The following PTPRD variants were observed in gnomAD, a reference collection of about 807,000 sequenced individuals.
The protein encoded by PTPRD is protein tyrosine phosphatase receptor type D, also known as receptor-type tyrosine-protein phosphatase delta.
PTPRD carries 34 observed loss-of-function variants against 214.5 expected under a neutral mutation model. The ratio of observed to expected loss-of-function variants is 0.16; its 90% CI spans 0.12 to 0.21. The LOEUF (loss-of-function observed/expected upper bound fraction) is 0.21. Ranked by LOEUF, PTPRD falls within the 10% of genes least tolerant of loss-of-function variation. The pLI, the probability that PTPRD is intolerant of heterozygous loss-of-function variation, is 1.00. For synonymous variants in PTPRD, 1,128 were observed against 845.7 expected, an observed-to-expected ratio of 1.33 and a Z score of -5.79; for missense variants, 2,545 against 2,398.7, an observed-to-expected ratio of 1.06 and a Z score of -1.27.
chr9:9,838,608 A>T (rs1479538729), intron 5 of PTPRD, among the ~76,000 whole-genome samples: 1 of 152,000 alleles, frequency 6.6e-6, no homozygotes, highest in East Asian at 1.9e-4. Context: ...CCACTTTTTA[A>T]TTGGGTTGCT....
At chr9:9,655,537 C>A (rs1229908581) in intron 7 of PTPRD, among the ~76,000 whole-genome samples, 1 of 151,894 alleles carries the variant, frequency 6.6e-6, no homozygotes, top group Non-Finnish European at 1.5e-5. Flanking sequence ...TCACTGCACT[C>A]CAGCCTGGGT....
chr9:8,528,569 A>G, intron 15 of PTPRD, 22 bp downstream of exon 15: 1 of 1,606,380 alleles, frequency 6.2e-7, no homozygotes, highest in Non-Finnish European at 8.5e-7. Flanking sequence ...AGGAGTTAGT[A>G]GAAACAGTAA....
At chr9:9,817,850 C>G (rs538635627) in intron 5 of PTPRD, among the ~76,000 whole-genome samples, 1 of 152,128 alleles carries the variant, frequency 6.6e-6, no homozygotes, top group African/African-American at 2.4e-5. Flanking sequence ...TTGTGTCTCA[C>G]GGAAACCAGA....
intron 4 of PTPRD, among the ~76,000 whole-genome samples, chr9:9,946,168 T>C (rs997855383): frequency 2.8e-5 from 4 of 141,490 alleles, no homozygotes; most frequent in Non-Finnish European, 6.1e-5. Context: ...TAATAAGGCT[T>C]TGTGGTTTTC....
At chr9:9,933,131 A>T (rs2087458905) in intron 5 of PTPRD, among the ~76,000 whole-genome samples, 1 of 152,208 alleles carries the variant, frequency 6.6e-6, no homozygotes, top group Non-Finnish European at 1.5e-5. Flanking sequence ...TCATGCCAAA[A>T]TGTAAAGACC....
chr9:9,005,284 C>G (rs2099456316), intron 11 of PTPRD, among the ~76,000 whole-genome samples: 1 of 151,974 alleles, frequency 6.6e-6, no homozygotes, highest in Non-Finnish European at 1.5e-5. Context: ...TGACAATTTG[C>G]TCCTCAATAA....
intron 8 of PTPRD, among the ~76,000 whole-genome samples, chr9:9,530,921 T>G (rs1216552882): frequency 1.3e-5 from 2 of 152,058 alleles, no homozygotes; most frequent in Non-Finnish European, 2.9e-5. Flanking sequence ...GAGGGGTTGG[T>G]GAATGAGTAC....
chr9:9,268,065 T>C (rs992470248), intron 9 of PTPRD, among the ~76,000 whole-genome samples: 3 of 150,702 alleles, frequency 2.0e-5, no homozygotes, highest in Non-Finnish European at 4.5e-5. Flanking sequence ...GGCATCCAAA[T>C]CAAAAGAAAA....
chr9:9,364,462 G>T (rs990939299), intron 9 of PTPRD, among the ~76,000 whole-genome samples: 1 of 151,436 alleles, frequency 6.6e-6, no homozygotes, highest in Admixed American at 6.6e-5. Flanking sequence ...GAAAGTTGTT[G>T]GGAAGGCCAT....
At chr9:9,438,579 C>T (rs2086237319) in intron 8 of PTPRD, among the ~76,000 whole-genome samples, 1 of 152,080 alleles carries the variant, frequency 6.6e-6, no homozygotes, top group Non-Finnish European at 1.5e-5. Flanking sequence ...GTGTACTGGG[C>T]CAACCAAAGC....
chr9:9,417,496 T>C (rs1185919123), intron 8 of PTPRD, among the ~76,000 whole-genome samples: 1 of 152,040 alleles, frequency 6.6e-6, no homozygotes, highest in African/African-American at 2.4e-5. Flanking sequence ...GAGGGGACAA[T>C]TTTGCTTTGA....
At chr9:8,342,030 T>C (rs768280758) in intron 39 of PTPRD, 52 bp from the exon 40 acceptor site, 2 of 1,487,422 alleles carry the variant, frequency 1.3e-6, no homozygotes, top group South Asian at 1.4e-5. Flanking sequence ...AGAAAATCAA[T>C]ACATAATAAA....
intron 10 of PTPRD, among the ~76,000 whole-genome samples, chr9:9,149,053 A>ATGGAAAGATTGTCTTGGAGTAGT (rs2099873383): frequency 1.3e-5 from 2 of 152,196 alleles, no homozygotes; most frequent in Non-Finnish European, 2.9e-5. Context: ...GTTAGGAGAC[A>ATGGAAAGATTGTCTTGGAGTAGT]TGGAAAGATT....
intron 3 of PTPRD, among the ~76,000 whole-genome samples, chr9:10,143,168 A>C (rs1490836175): frequency 6.6e-6 from 1 of 152,108 alleles, no homozygotes; most frequent in African/African-American, 2.4e-5. Context: ...AGATATACCT[A>C]ATGCTAGATG....
At chr9:9,424,194 C>A (rs1352263904) in intron 8 of PTPRD, among the ~76,000 whole-genome samples, 1 of 152,168 alleles carries the variant, frequency 6.6e-6, no homozygotes, top group Admixed American at 6.5e-5. Context: ...AAATTTGTTG[C>A]CACTTCATCA....
At chr9:8,604,036 A>G (rs1426421768) in intron 14 of PTPRD, among the ~76,000 whole-genome samples, 1 of 152,238 alleles carries the variant, frequency 6.6e-6, no homozygotes, top group Non-Finnish European at 1.5e-5. Context: ...AATTATGCTG[A>G]GAGTGTTTAA....
intron 3 of PTPRD, among the ~76,000 whole-genome samples, chr9:10,055,702 G>C (rs1463214539): frequency 6.6e-6 from 1 of 151,826 alleles, no homozygotes; most frequent in African/African-American, 2.4e-5. Flanking sequence ...AATAACCATA[G>C]GAACAATACC....
chr9:8,737,959 C>A (rs1419134710), intron 11 of PTPRD, among the ~76,000 whole-genome samples: 4 of 145,386 alleles, frequency 2.8e-5, no homozygotes, highest in Non-Finnish European at 6.1e-5. Flanking sequence ...CTCTGTCTTT[C>A]ATCAGCAGGG....
At chr9:10,087,138 T>G (rs772350560) in intron 3 of PTPRD, among the ~76,000 whole-genome samples, 2 of 39,568 alleles carry the variant, frequency 5.1e-5, no homozygotes, top group Non-Finnish European at 1.1e-4. Context: ...TGTTTTAGAG[T>G]TTTTTTTTTT....
Sources: allele counts gnomAD v4.1 joint callset (sites outside exome capture counted in the v4.1 genomes callset), GRCh38; gene constraint gnomAD v4.1.1; transcripts MANE v1.5; gene names NCBI Gene and HGNC (gene_info 2026-07-23, HGNC 2026-07-21).